EXT1: variants seen among roughly 807,000 people sequenced by gnomAD.
EXT1 encodes exostosin glycosyltransferase 1.
A neutral mutation model predicts 82.5 loss-of-function variants in EXT1; 20 were observed. The observed-to-expected ratio is 0.24, with a 90% CI of 0.17 to 0.35. The LOEUF (loss-of-function observed/expected upper bound fraction) is 0.35. EXT1 is among the 10% of genes least tolerant of loss of function. EXT1 has a pLI of 1.00. For missense variants in EXT1, 757 were observed against 936.5 expected (o/e 0.81, Z 2.50); for synonymous variants, 348 against 350.8 (o/e 0.99, Z 0.09).
intron 1 of EXT1, among the ~76,000 whole-genome samples, chr8:118,030,016 AATG>A (rs1186966737): frequency 6.6e-6 from 1 of 152,218 alleles, no homozygotes; most frequent in Non-Finnish European, 1.5e-5. Context: ...AAAACTTGAG[AATG>A]ATATTTATCC....
chr8:117,818,270 G>GA (rs1238127138), intron 7 of EXT1, among the ~76,000 whole-genome samples, 165 bp downstream of exon 7: 1 of 152,168 alleles, frequency 6.6e-6, no homozygotes, highest in Non-Finnish European at 1.5e-5. Context: ...TCCCTGATTT[G>GA]AAAGCCTATT....
intron 4 of EXT1, 133 bp from the exon 5 acceptor site, chr8:117,822,730 C>T (rs538344319): frequency 6.4e-5 from 60 of 941,758 alleles, no homozygotes; most frequent in South Asian, 1.8e-4. Flanking sequence ...TTTAATTCTC[C>T]GGATAAAAAT....
chr8:117,872,528 G>C (rs1435294378), intron 1 of EXT1, among the ~76,000 whole-genome samples: 1 of 152,148 alleles, frequency 6.6e-6, no homozygotes, highest in Non-Finnish European at 1.5e-5. Context: ...ACAAAATGAA[G>C]AGTATCTCAA....
At chr8:118,098,977 G>C (rs1817669169) in intron 1 of EXT1, among the ~76,000 whole-genome samples, 1 of 150,186 alleles carries the variant, frequency 6.7e-6, no homozygotes, top group African/African-American at 2.5e-5. Flanking sequence ...TTCAAATGGA[G>C]ATCTTACTCT....
intron 4 of EXT1, among the ~76,000 whole-genome samples, chr8:117,823,696 G>A (rs896307024): frequency 6.6e-6 from 1 of 151,966 alleles, no homozygotes; most frequent in Admixed American, 6.6e-5. Context: ...TAATAAAGTG[G>A]GCTACATTTA....
intron 1 of EXT1, among the ~76,000 whole-genome samples, chr8:117,980,655 A>G (rs1463914529): frequency 7.0e-6 from 1 of 142,732 alleles, no homozygotes; most frequent in African/African-American, 2.5e-5. Context: ...TTTAACCCAG[A>G]TGGTCTTTTA....
intron 1 of EXT1, among the ~76,000 whole-genome samples, chr8:117,838,139 T>C (rs1462831213): frequency 6.6e-6 from 1 of 152,156 alleles, no homozygotes; most frequent in Non-Finnish European, 1.5e-5. Flanking sequence ...CTTGGGAAAG[T>C]AGAGATGGCT....
chr8:118,050,561 A>T (rs950355165), intron 1 of EXT1, among the ~76,000 whole-genome samples: 1 of 152,222 alleles, frequency 6.6e-6, no homozygotes, highest in East Asian at 1.9e-4. Context: ...TACAAGCCAT[A>T]TGGTCTCTCT....
intron 1 of EXT1, among the ~76,000 whole-genome samples, chr8:117,920,932 T>A (rs17430728): frequency 0.038 from 5,769 of 152,294 alleles, 124 homozygotes; most frequent in Middle Eastern, 0.048. Flanking sequence ...ACCACCAGCA[T>A]GGATTTACAA....
At chr8:117,804,917 C>T (rs1213004818) in intron 9 of EXT1, 24 bp from the exon 10 acceptor site, 2 of 1,612,854 alleles carry the variant, frequency 1.2e-6, no homozygotes, top group Non-Finnish European at 8.5e-7. Context: ...AGATGGGTTT[C>T]ACAGGGGGCC....
At chr8:118,100,442 T>A (rs1036323864) in intron 1 of EXT1, among the ~76,000 whole-genome samples, 5 of 152,134 alleles carry the variant, frequency 3.3e-5, no homozygotes, top group African/African-American at 1.2e-4. Flanking sequence ...TACCCTCAAC[T>A]GGCGAGGACT....
chr8:117,858,619 A>G (rs1303920457), intron 1 of EXT1, among the ~76,000 whole-genome samples: 2 of 151,486 alleles, frequency 1.3e-5, no homozygotes, highest in Non-Finnish European at 2.9e-5. Context: ...CGGAAGTTGC[A>G]GTGAGCTGAG....
intron 1 of EXT1, among the ~76,000 whole-genome samples, chr8:117,866,650 T>G (rs2129878741): frequency 6.6e-6 from 1 of 152,276 alleles, no homozygotes; most frequent in East Asian, 1.9e-4. Context: ...CATTGTTGGG[T>G]ATCTCCCAGT....
chr8:117,815,176 A>G (rs578080070), intron 7 of EXT1, among the ~76,000 whole-genome samples: 28 of 152,228 alleles, frequency 1.8e-4, no homozygotes, highest in Non-Finnish European at 4.0e-4. Flanking sequence ...AGAAACCATT[A>G]GCTGCCAGCT....
chr8:117,819,298 C>T (rs1811881293), intron 6 of EXT1, among the ~76,000 whole-genome samples: 1 of 152,186 alleles, frequency 6.6e-6, no homozygotes, highest in African/African-American at 2.4e-5. Context: ...TCTGCTTCTT[C>T]TATTGAAGCT....
At chr8:117,809,756 C>A (rs1170367691) in intron 8 of EXT1, among the ~76,000 whole-genome samples, 1 of 152,020 alleles carries the variant, frequency 6.6e-6, no homozygotes, top group Admixed American at 6.5e-5. Flanking sequence ...TGAGCATCTG[C>A]TAGAAAATTG....
chr8:117,906,767 A>G lies in EXT1; in HGVS notation c.963-69566T>C, dbSNP rs879362816. Among the ~76,000 whole-genome samples the G allele has an allele frequency of 5.3e-5, 8 of 152,208 alleles. 1 individual carries two copies. Among genetic ancestry groups the G allele is most frequent in the Non-Finnish European group, 1.2e-4 (8 of 68,032 alleles). On this transcript the variant is annotated intron_variant, in intron 1 of 10. Coordinates refer to ENST00000378204, the MANE Select transcript of EXT1 (RefSeq NM_000127.3). The stretch of plus-strand genomic sequence containing the variant: ...GAAAGCAGTTGTCTCCTTGGGAAAG[A>G]ATGGTGTATGGTTTACACCTATTTT...
intron 1 of EXT1, among the ~76,000 whole-genome samples, chr8:118,089,048 G>A (rs917380516): frequency 2.0e-5 from 3 of 152,102 alleles, no homozygotes; most frequent in Non-Finnish European, 4.4e-5. Flanking sequence ...CTTGGCTAGT[G>A]TAATTCAGTC....
chr8:117,990,159 C>A (rs546435670), intron 1 of EXT1, among the ~76,000 whole-genome samples: 1 of 151,982 alleles, frequency 6.6e-6, no homozygotes, highest in Non-Finnish European at 1.5e-5. Context: ...GGCGACAGAG[C>A]GAGACTCCGC....
Sources: allele counts gnomAD v4.1 joint callset (sites outside exome capture counted in the v4.1 genomes callset), GRCh38; gene constraint gnomAD v4.1.1; transcripts MANE v1.5; gene names NCBI Gene and HGNC (gene_info 2026-07-23, HGNC 2026-07-21).